The following PRKAR1B variants were observed in gnomAD, a reference collection of about 807,000 sequenced individuals.
The protein encoded by PRKAR1B is protein kinase cAMP-dependent type I regulatory subunit beta, also known as cAMP-dependent protein kinase type I-beta regulatory subunit.
In PRKAR1B, 22 loss-of-function variants were observed where a neutral mutation model predicts 46.5. The ratio of observed to expected loss-of-function variants is 0.47; its 90% confidence interval spans 0.34 to 0.68. The LOEUF (loss-of-function observed/expected upper bound fraction) is 0.68, where lower values mean the gene tolerates loss of function less well. Ranked by LOEUF, PRKAR1B falls within the 30% of genes least tolerant of loss-of-function variation. The probability of loss-of-function intolerance (pLI) is 0.01; values close to 1 mark genes in which losing one functional copy is unlikely to be tolerated. For missense variants in PRKAR1B, 445 were observed against 535.6 expected, an observed-to-expected ratio of 0.83 and a Z score of 1.67; for synonymous variants, 259 against 217.7, an observed-to-expected ratio of 1.19 and a Z score of -1.67.
intron 4 of PRKAR1B, among the ~76,000 whole-genome samples, chr7:619,801 A>G (rs553762889): frequency 6.6e-6 from 1 of 152,228 alleles, no homozygotes; most frequent in Admixed American, 6.5e-5. Context: ...AGTTATTTGC[A>G]AATTTTTATT....
chr7:681,455 G>A (rs553792398), intron 2 of PRKAR1B, among the ~76,000 whole-genome samples: 1 of 152,118 alleles, frequency 6.6e-6, no homozygotes, highest in South Asian at 2.1e-4. Flanking sequence ...AGGCTCTCCA[G>A]GTAATTTTTA....
At chr7:689,744 A>G (rs1779306516) in intron 2 of PRKAR1B, among the ~76,000 whole-genome samples, 2 of 151,462 alleles carry the variant, frequency 1.3e-5, no homozygotes, top group South Asian at 2.1e-4. Context: ...CAGTGGTGCA[A>G]TCTCAGCTCA....
rs148037908 is a variant in PRKAR1B at position 591,886 on chromosome 7, C to T, written c.708+4260G>A. 3.4e-3 allele frequency among the ~76,000 whole-genome samples: 511 copies of T among 152,252 alleles called. 12 individuals carry two copies. Among genetic ancestry groups the T allele is most frequent in the Admixed American group, 0.03 (460 of 15,296 alleles). On this transcript the variant is annotated intron_variant, in intron 7 of 10. Transcript: ENST00000537384. ...CACCACAGCCACACACCCCCAAAGT[C>T]GTGAGGTGAAGCCCACCAGAAAGCC...
chr7:662,294 G>C (rs992921096), intron 4 of PRKAR1B, among the ~76,000 whole-genome samples: 6 of 11,124 alleles, frequency 5.4e-4, no homozygotes, highest in South Asian at 4.1e-3. Context: ...ACTCTCCCCC[G>C]CAAGGCACAG....
intron 10 of PRKAR1B, 90 bp downstream of exon 10, chr7:551,299 C>T (rs1197041853): frequency 1.3e-5 from 17 of 1,283,564 alleles, no homozygotes; most frequent in African/African-American, 2.9e-5. Context: ...CAGGGAAGCC[C>T]CCCAGCAGCT....
At chr7:583,543 G>A (rs925812187) in intron 8 of PRKAR1B, among the ~76,000 whole-genome samples, 8 of 108,578 alleles carry the variant, frequency 7.4e-5, no homozygotes, top group African/African-American at 1.2e-4. Flanking sequence ...ACTCACACAC[G>A]TGCCAAACAC....
chr7:693,002 T>C (rs1454425655), intron 2 of PRKAR1B, among the ~76,000 whole-genome samples: 1 of 151,952 alleles, frequency 6.6e-6, no homozygotes, highest in Non-Finnish European at 1.5e-5. Flanking sequence ...TGGTGCGATC[T>C]CGGCTCACTG....
intron 2 of PRKAR1B, among the ~76,000 whole-genome samples, chr7:708,523 C>T (rs947246112): frequency 9.2e-5 from 14 of 152,236 alleles, no homozygotes; most frequent in African/African-American, 3.4e-4. Context: ...GACTCTCGCT[C>T]TGTTGCCCAG....
At chr7:592,544 G>C (rs973209260) in intron 7 of PRKAR1B, among the ~76,000 whole-genome samples, 1 of 152,214 alleles carries the variant, frequency 6.6e-6, no homozygotes, top group Non-Finnish European at 1.5e-5. Flanking sequence ...GAGTCACTCC[G>C]GATACTGGTC....
intron 2 of PRKAR1B, among the ~76,000 whole-genome samples, chr7:698,976 A>C (rs909461964): frequency 6.6e-5 from 10 of 152,178 alleles, no homozygotes; most frequent in Non-Finnish European, 8.8e-5. Context: ...CCAGCCTGCC[A>C]CACACAGGGG....
intron 1 of PRKAR1B, among the ~76,000 whole-genome samples, chr7:719,263 C>T (rs892205176): frequency 1.3e-5 from 2 of 152,146 alleles, no homozygotes; most frequent in Non-Finnish European, 1.5e-5. Context: ...TGGTCTCAAA[C>T]TCCTGAGCTC....
chr7:712,703 CCCGCTGTCG>C (rs1780724285), intron 1 of PRKAR1B: 1 of 134,378 alleles, frequency 7.4e-6, no homozygotes, highest in South Asian at 2.5e-4. Context: ...GCCAGGACCC[CCCGCTGTCG>C]CCGCCCCCCG....
chr7:666,130 C>A lies in PRKAR1B; in HGVS notation c.440+11099G>T, dbSNP rs1036846722. Among the ~76,000 whole-genome samples the A allele has an allele frequency of 6.6e-6, 1 of 152,194 alleles. No homozygotes were observed. The highest frequency in any genetic ancestry group is 1.5e-5 in the Non-Finnish European group (1 of 68,022). The stretch of plus-strand genomic sequence containing the variant: ...CGTTTCTCGGCTCCCAGGAGCTCAG[C>A]GATGCTCCCCCTACAGGCGCCCTAA... On this transcript the variant is annotated intron_variant, in intron 4 of 10. Transcript: ENST00000537384. The surrounding 1 kb of genome is among the most constrained non-coding windows in gnomAD (Gnocchi z 4.9).
At chr7:596,331 C>T in intron 6 of PRKAR1B, 27 bp from the exon 7 acceptor site, 1 of 1,590,600 alleles carries the variant, frequency 6.3e-7, no homozygotes, top group Non-Finnish European at 8.6e-7. Flanking sequence ...AGAGAAGTGT[C>T]ACGGGGGCCA....
rs1170432502 is a variant in PRKAR1B, at chr7:662,269, C to T, written c.440+14960G>A. Among the ~76,000 whole-genome samples the T allele has an allele frequency of 6.9e-5, 7 of 101,240 alleles. No individual in the cohort carries two copies. In the South Asian group the frequency reaches 1.6e-3, roughly 23 times the overall value. 66.4% of individuals were successfully genotyped at this position (101,240 alleles called of 152,430 possible). A position where few individuals can be genotyped will look rare whatever the true frequency, so the allele number is the denominator to read the frequency against. On this transcript the variant is annotated intron_variant, in intron 4 of 10. Transcript: ENST00000537384. The stretch of plus-strand genomic sequence containing the variant: ...ACATGGCACAGGTCCCCCACCCCAA[C>T]GGGTCCAAATACCTACTCTCCCCCG...
At chr7:691,959 G>A (rs1779454612) in intron 2 of PRKAR1B, among the ~76,000 whole-genome samples, 1 of 152,224 alleles carries the variant, frequency 6.6e-6, no homozygotes, top group Admixed American at 6.5e-5. Context: ...CTGGGAGACG[G>A]AAATCAAGGG....
At chr7:727,052 G>A (rs1781337506) in intron 1 of PRKAR1B, 158 bp downstream of exon 1, 3 of 1,086,298 alleles carry the variant, frequency 2.8e-6, no homozygotes, top group East Asian at 1.2e-4. Context: ...GCGCGGCCCC[G>A]CGATGCCCTG....
chr7:628,986 C>T (rs1338519649), intron 4 of PRKAR1B, among the ~76,000 whole-genome samples: 1 of 152,218 alleles, frequency 6.6e-6, no homozygotes, highest in Non-Finnish European at 1.5e-5. Context: ...GTCCTGTGAG[C>T]CCGTGCCACT....
intron 6 of PRKAR1B, among the ~76,000 whole-genome samples, 162 bp from the exon 7 acceptor site, chr7:596,466 G>C (rs567885959): frequency 5.0e-4 from 76 of 152,340 alleles, no homozygotes; most frequent in Non-Finnish European, 1.0e-3. Context: ...CCCCAGCAAT[G>C]GGCCTGTGGA....
Sources: gnomAD v4.1 joint callset for allele counts (sites outside exome capture counted in the v4.1 genomes callset) on GRCh38, gnomAD v4.1.1 for gene constraint, Gnocchi (gnomAD v3.1) non-coding constraint, MANE v1.5 for transcripts, NCBI Gene and HGNC (gene_info 2026-07-23, HGNC 2026-07-21) for gene names.